Variants in CDK14 observed in about 807,000 individuals in gnomAD.
The protein encoded by CDK14 is cyclin-dependent kinase 14.
Under a neutral mutation model 60.7 loss-of-function variants are expected in CDK14, and 34 were observed. The ratio of observed to expected loss-of-function variants is 0.56; its 90% CI spans 0.43 to 0.75. The LOEUF is 0.75. CDK14 is among the 30% of genes least tolerant of loss of function. The pLI is 0.00. For synonymous variants in CDK14, 197 were observed against 203.7 expected, an observed-to-expected ratio of 0.97 and a Z score of 0.28; for missense variants, 482 against 564.1, an observed-to-expected ratio of 0.85 and a Z score of 1.47.
intron 2 of CDK14, among the ~76,000 whole-genome samples, chr7:90,708,225 A>G (rs1055164065): frequency 2.0e-5 from 3 of 152,190 alleles, no homozygotes; most frequent in Admixed American, 6.6e-5. Context: ...CAAGGGCCTT[A>G]AAATGGGGAA....
chr7:91,072,521 G>T (rs1402718389), intron 11 of CDK14, among the ~76,000 whole-genome samples: 4 of 152,158 alleles, frequency 2.6e-5, no homozygotes, highest in Admixed American at 2.6e-4. Context: ...TCCTCCAAGG[G>T]TCAGCAGCCT....
intron 8 of CDK14, among the ~76,000 whole-genome samples, chr7:90,934,928 C>T (rs1267677001): frequency 6.6e-6 from 1 of 152,130 alleles, no homozygotes; most frequent in Non-Finnish European, 1.5e-5. Context: ...ATTTTATTGT[C>T]TTCATGTATT....
Position 90,668,814 on chromosome 7 carries a change from T to C in CDK14, c.124-57753T>C, listed in dbSNP as rs994158993. Among the ~76,000 whole-genome samples, 11 of 148,500 alleles carry C rather than the reference T, an allele frequency of 7.4e-5. No individual in the cohort carries two copies. The South Asian group carries it at 9.0e-4, about 12-fold the overall frequency. On this transcript the variant is annotated intron_variant, in intron 2 of 14. Transcript: ENST00000380050. ...GCCTTGGTCTTCTGGGCCCAAGCAA[T>C]CTTCATGCCTCAGCCTCCTGAGTAG...
chr7:90,736,760 TG>T (rs1803132025), intron 3 of CDK14, among the ~76,000 whole-genome samples: 1 of 152,188 alleles, frequency 6.6e-6, no homozygotes, highest in South Asian at 2.1e-4. Flanking sequence ...AGGAAAGCAT[TG>T]TTTTTTGGAA....
At chr7:90,880,612 A>T (rs1218875393) in intron 6 of CDK14, among the ~76,000 whole-genome samples, 1 of 152,156 alleles carries the variant, frequency 6.6e-6, no homozygotes, top group Non-Finnish European at 1.5e-5. Context: ...TCCTGCTCCC[A>T]TGCCACCCAA....
chr7:90,604,096 G>T, intron 1 of CDK14, 122 bp from the exon 2 acceptor site: 4 of 620,408 alleles, frequency 6.4e-6, no homozygotes, highest in Non-Finnish European at 1.1e-5. Flanking sequence ...ATTCAGGTTG[G>T]GGTACAATTT....
chr7:91,088,536 G>A (rs911390285), intron 12 of CDK14, among the ~76,000 whole-genome samples: 30 of 151,502 alleles, frequency 2.0e-4, no homozygotes, highest in African/African-American at 7.3e-4. Flanking sequence ...TCTAGTATTG[G>A]TTTACAATGG....
chr7:90,758,642 G>A (rs761131246), intron 4 of CDK14, among the ~76,000 whole-genome samples: 31 of 152,166 alleles, frequency 2.0e-4, no homozygotes, highest in Non-Finnish European at 4.3e-4. Flanking sequence ...AAAAAGAGGT[G>A]ACTCAGATGA....
chr7:90,723,141 G>A (rs887388108), intron 2 of CDK14, among the ~76,000 whole-genome samples: 14 of 152,116 alleles, frequency 9.2e-5, no homozygotes, highest in Admixed American at 2.6e-4. Flanking sequence ...AGTTGGTTGA[G>A]AGGTTTTATT....
intron 9 of CDK14, among the ~76,000 whole-genome samples, chr7:90,970,419 T>G (rs1460848803): frequency 6.6e-6 from 1 of 152,270 alleles, no homozygotes; most frequent in Non-Finnish European, 1.5e-5. Flanking sequence ...TTATCTTTGC[T>G]GGCATTTGTG....
At position 91,105,560 on chromosome 7, in the gene CDK14, T is replaced by A. The variant is rs902091697; in HGVS notation, c.1155-6982T>A. On this transcript the variant is annotated intron_variant, in intron 12 of 14. Transcript: ENST00000380050. ...ATGTATTGGGAGAGCCTCAGGCCTT[T>A]TGACAGAAGCAAAAGAAAATCCTTA... 6.6e-5 allele frequency among the ~76,000 whole-genome samples: 10 copies of A among 152,312 alleles called. No homozygotes were observed. The East Asian group carries it at 1.9e-3, about 29-fold the overall frequency.
intron 14 of CDK14, among the ~76,000 whole-genome samples, chr7:91,177,266 A>T (rs1178613218): frequency 7.0e-6 from 1 of 142,620 alleles, no homozygotes; most frequent in Non-Finnish European, 1.5e-5. Flanking sequence ...ACAACCCTTC[A>T]TGCTAAAAAC....
intron 12 of CDK14, among the ~76,000 whole-genome samples, chr7:91,089,954 G>A (rs1387745647): frequency 6.6e-6 from 1 of 152,068 alleles, no homozygotes; most frequent in Non-Finnish European, 1.5e-5. Flanking sequence ...ATTTTATTTG[G>A]TAGTCAAGTG....
Position 91,184,204 on chromosome 7 carries a change from T to TAAAAA in CDK14, c.*29-22944_*29-22940dup, listed in dbSNP as rs59565390. Reference sequence around the variant, plus strand: ...TGGGTGACAGAGTGAGGCTCCGTCTTAAAAAAAAAAAAAAAAAAAAATTAG... The same window carrying TAAAAA: ...TGGGTGACAGAGTGAGGCTCCGTCTTAAAAAAAAAAAAAAAAAAAAAAAAAATTAG... On this transcript the variant is annotated intron_variant, in intron 14 of 14. Coordinates refer to ENST00000380050, the MANE Select transcript of CDK14 (RefSeq NM_001287135.2). 5.5e-4 allele frequency among the ~76,000 whole-genome samples: 20 copies of TAAAAA among 36,664 alleles called. 3 individuals carry two copies. The highest frequency in any genetic ancestry group is 4.3e-3 in the South Asian group (3 of 694). 24.1% of individuals were successfully genotyped at this position (36,664 alleles called of 152,430 possible). A position where few individuals can be genotyped will look rare whatever the true frequency, so the allele number is the denominator to read the frequency against.
chr7:90,788,354 A>G (rs1448033834), intron 4 of CDK14, among the ~76,000 whole-genome samples: 1 of 152,196 alleles, frequency 6.6e-6, no homozygotes, highest in Non-Finnish European at 1.5e-5. Flanking sequence ...GATGAAGTGA[A>G]GAGTACAAGG....
At position 91,062,161 on chromosome 7, in the gene CDK14, C is replaced by A. The variant is rs144896012; in HGVS notation, c.1105+16201C>A. Reference sequence around the variant, plus strand: ...GTTTGATTTCAGACTGCTGTGCTAGCAATGACCGAGGCTCCATGGGCTTAG... The same window carrying A: ...GTTTGATTTCAGACTGCTGTGCTAGAAATGACCGAGGCTCCATGGGCTTAG... On this transcript the variant is annotated intron_variant, in intron 11 of 14. Coordinates refer to ENST00000380050, the MANE Select transcript of CDK14 (RefSeq NM_001287135.2). Among the ~76,000 whole-genome samples, 1,234 of 152,250 alleles carry A rather than the reference C, an allele frequency of 8.1e-3. 19 individuals carry two copies. The highest frequency in any genetic ancestry group is 0.027 in the African/African-American group (1,138 of 41,570).
chr7:90,990,189 G>C (rs1795489088), intron 10 of CDK14, among the ~76,000 whole-genome samples: 1 of 152,144 alleles, frequency 6.6e-6, no homozygotes, highest in African/African-American at 2.4e-5. Context: ...TGAGGTGGGA[G>C]GATCACTTAG....
chr7:91,077,924 T>C (rs1366110807), intron 11 of CDK14, among the ~76,000 whole-genome samples: 1 of 152,132 alleles, frequency 6.6e-6, no homozygotes, highest in Non-Finnish European at 1.5e-5. Context: ...AGAAGAAATG[T>C]AAATGGCCAG....
At chr7:90,937,407 A>T (rs1338017064) in intron 8 of CDK14, among the ~76,000 whole-genome samples, 1 of 152,236 alleles carries the variant, frequency 6.6e-6, no homozygotes, top group African/African-American at 2.4e-5. Flanking sequence ...TGGTAAATGT[A>T]GTGTGAAAAC....
Sources: gnomAD v4.1 joint callset for allele counts (sites outside exome capture counted in the v4.1 genomes callset) on GRCh38, gnomAD v4.1.1 for gene constraint, MANE v1.5 for transcripts, NCBI Gene and HGNC (gene_info 2026-07-23, HGNC 2026-07-21) for gene names.